MGAM2: variants seen among roughly 807,000 people sequenced by gnomAD.
The protein encoded by MGAM2 is maltase-glucoamylase 2 (putative), also known as probable maltase-glucoamylase 2.
A neutral mutation model predicts 96.1 loss-of-function variants in MGAM2; 98 were observed. The ratio of observed to expected loss-of-function variants is 1.02; its 90% CI spans 0.87 to 1.21. MGAM2 has a LOEUF of 1.21. Ranked by LOEUF, MGAM2 falls within the 50% of genes most tolerant of loss-of-function variation. The probability of loss-of-function intolerance (pLI) is 0.00; values close to 1 mark genes in which losing one functional copy is unlikely to be tolerated. For synonymous variants in MGAM2, 749 were observed against 414.8 expected (o/e 1.81, Z -9.79); for missense variants, 2,055 against 1,182.4 (o/e 1.74, Z -10.82).
intron 33 of MGAM2, among the ~76,000 whole-genome samples, chr7:142,183,948 T>C (rs1796615334): frequency 7.7e-6 from 1 of 129,660 alleles, no homozygotes; most frequent in Non-Finnish European, 1.6e-5. Context: ...TATTCCAGGC[T>C]CCTTTTTTTT....
intron 45 of MGAM2, among the ~76,000 whole-genome samples, chr7:142,207,187 A>G (rs1797427773): frequency 6.6e-6 from 1 of 152,176 alleles, no homozygotes; most frequent in African/African-American, 2.4e-5. Flanking sequence ...TGGGAAGGAG[A>G]CATAAAGTAA....
At chr7:142,114,777 C>T (rs555477821) in intron 1 of MGAM2, among the ~76,000 whole-genome samples, 1 of 152,178 alleles carries the variant, frequency 6.6e-6, no homozygotes, top group East Asian at 1.9e-4. Flanking sequence ...ATGTGAATAA[C>T]CTTTGTGGAA....
Position 142,196,757 on chromosome 7 carries a change from T to C in MGAM2, c.4573T>C (p.Trp1525Arg). Reference sequence around the variant, plus strand: ...TGCTGAATATGAGATGTGTGTTCGCTGGATGCAACTGGGGGCATTTTATCC... The same window carrying C: ...TGCTGAATATGAGATGTGTGTTCGCCGGATGCAACTGGGGGCATTTTATCC... ...GDAEYEMCVR[W>R]MQLGAFYPFS... The change falls in exon 40 of 48, where the codon TGG (tryptophan) becomes CGG (arginine). Residue 1525 changes from tryptophan to arginine, a missense_variant. Coordinates refer to ENST00000477922, the MANE Select transcript of MGAM2 (RefSeq NM_001293626.2). The C allele has an allele frequency of 1.3e-6, 1 of 789,582 alleles. No individual in the cohort carries two copies. Among genetic ancestry groups the C allele is most frequent in the Non-Finnish European group, 2.3e-6 (1 of 426,078 alleles). The allele number at this position is 789,582 out of a possible 1,614,324, so 48.9% of individuals were successfully genotyped here.
At position 142,171,299 on chromosome 7, in the gene MGAM2, CT is replaced by C; in HGVS notation, c.3212del (p.Phe1071SerfsTer32). 1 of 702,778 alleles carries C rather than the reference CT, an allele frequency of 1.4e-6. No individual in the cohort carries two copies. Among genetic ancestry groups the C allele is most frequent in the Non-Finnish European group, 2.6e-6 (1 of 384,770 alleles). 43.5% of individuals were successfully genotyped at this position (702,778 alleles called of 1,614,324 possible). On this transcript the variant is annotated frameshift_variant, in exon 28 of 48. Coordinates refer to ENST00000477922, the MANE Select transcript of MGAM2 (RefSeq NM_001293626.2). LOFTEE classifies it high-confidence loss of function. ...IWDSQLPGFI[F>X]NDMFLSISTR... The stretch of plus-strand genomic sequence containing the variant: ...GGGATTCTCAACTCCCTGGCTTCAT[CT>C]TCAATGACATGTTTCTCTCCATTTC...
chr7:142,215,775 A>C (rs1485518395), intron 46 of MGAM2, among the ~76,000 whole-genome samples: 1 of 151,884 alleles, frequency 6.6e-6, no homozygotes, highest in East Asian at 1.9e-4. Flanking sequence ...AAAAAAAAAA[A>C]AACCTCATGA....
At chr7:142,117,937 T>C (rs1472019850) in intron 2 of MGAM2, among the ~76,000 whole-genome samples, 2 of 151,840 alleles carry the variant, frequency 1.3e-5, no homozygotes, top group African/African-American at 2.4e-5. Context: ...AACTGTTTTT[T>C]TTTCTTCTGT....
chr7:142,191,134 G>GA (rs59853968), intron 37 of MGAM2, among the ~76,000 whole-genome samples: 16 of 150,666 alleles, frequency 1.1e-4, no homozygotes, highest in Non-Finnish European at 2.1e-4. Context: ...TATCTCTACA[G>GA]AAAAAAAAAA....
rs543251143 is a variant in MGAM2 at position 142,160,010 on chromosome 7, C to T, written c.2221-124C>T. ...CCCATATGCTTTCAGCAAGTCACTT[C>T]ACTTTGGGGTTCTCTGTTTGTCTCT... On this transcript the variant is annotated intron_variant, in intron 20 of 47. Transcript: ENST00000477922. 4.5e-5 allele frequency: 26 copies of T among 582,142 alleles called. No individual in the cohort carries two copies. The East Asian group carries it at 5.9e-4, about 13-fold the overall frequency. 36.1% of individuals were successfully genotyped at this position (582,142 alleles called of 1,614,324 possible).
chr7:142,204,514 A>G lies in MGAM2; in HGVS notation c.5138-4059A>G, dbSNP rs191327372. Among the ~76,000 whole-genome samples, 169 of 152,186 alleles carry G rather than the reference A, an allele frequency of 1.1e-3. 3 individuals are homozygous for G. The highest frequency in any genetic ancestry group is 0.011 in the Admixed American group (164 of 15,292). ...AAATTAAATAGATCTAGGTTTGAATACCATCTCAGTAACTTTCTAGTTGTA... is the reference window on the plus strand; with the variant it reads ...AAATTAAATAGATCTAGGTTTGAATGCCATCTCAGTAACTTTCTAGTTGTA... On this transcript the variant is annotated intron_variant, in intron 45 of 47. Transcript: ENST00000477922.
intron 3 of MGAM2, among the ~76,000 whole-genome samples, chr7:142,128,627 T>A (rs1046843305): frequency 9.2e-5 from 14 of 152,184 alleles, no homozygotes; most frequent in African/African-American, 3.4e-4. Context: ...GGGACAAAAG[T>A]ACAGCTCGGG....
rs1796598536 is a variant in MGAM2, at chr7:142,183,379, G to T, written c.3924+6G>T. On this transcript the variant is annotated splice_donor_region_variant and intron_variant, in intron 33 of 47. Coordinates refer to ENST00000477922, the MANE Select transcript of MGAM2 (RefSeq NM_001293626.2). ...ATGACATTGTCTGGGGAAAGGTAAG[G>T]CTTGGGGAAGATGCTTACAGTTAAT... 2.8e-6 allele frequency: 2 copies of T among 702,150 alleles called. No homozygotes were observed. Among genetic ancestry groups the T allele is most frequent in the Non-Finnish European group, 5.2e-6 (2 of 384,706 alleles). The allele number at this position is 702,150 out of a possible 1,614,324, so 43.5% of individuals were successfully genotyped here. A position where few individuals can be genotyped will look rare whatever the true frequency, so the allele number is the denominator to read the frequency against.
Position 142,189,494 on chromosome 7 carries a change from AC to A in MGAM2, c.4338del (p.Thr1447HisfsTer8). 1 of 847,372 alleles carries A rather than the reference AC, an allele frequency of 1.2e-6. No homozygotes were observed. Among genetic ancestry groups the A allele is most frequent in the Non-Finnish European group, 1.9e-6 (1 of 514,150 alleles). The allele number at this position is 847,372 out of a possible 1,614,324, so 52.5% of individuals were successfully genotyped here. On this transcript the variant is annotated frameshift_variant, in exon 37 of 48. Coordinates refer to ENST00000477922, the MANE Select transcript of MGAM2 (RefSeq NM_001293626.2). LOFTEE classifies it high-confidence loss of function. ...HNLYGWSQTR[P>X]TYEAVQEVTG... The stretch of plus-strand genomic sequence containing the variant: ...ACCTGTACGGGTGGTCCCAGACCAG[AC>A]CCACATACGAGTGAGTGTCTTTTTG...
rs1797941377 is a variant in MGAM2, at chr7:142,221,823, A to G, written c.7312A>G (p.Asn2438Asp). Residue 2438 changes from asparagine (N) to aspartate (D), a missense_variant, in exon 48 of 48, where the codon AAT (asparagine) becomes GAT (aspartate). Asn to Asp is a conservative substitution (Grantham distance 23, BLOSUM62 1). Transcript: ENST00000477922. ...TAACACGACACACATTTCTGTTTCAAATCTCACAACAGCCTCAGTCACAAT... is the reference window on the plus strand; with the variant it reads ...TAACACGACACACATTTCTGTTTCAGATCTCACAACAGCCTCAGTCACAAT... ...TGNTTHISVS[N>D]LTTASVTITA... 1 of 400,164 alleles carries G rather than the reference A, an allele frequency of 2.5e-6. No homozygotes were observed. The highest frequency in any genetic ancestry group is 4.3e-5 in the Admixed American group (1 of 23,102). 24.8% of individuals were successfully genotyped at this position (400,164 alleles called of 1,614,324 possible). A position where few individuals can be genotyped will look rare whatever the true frequency, so the allele number is the denominator to read the frequency against.
intron 15 of MGAM2, among the ~76,000 whole-genome samples, chr7:142,150,026 C>T (rs545788859): frequency 6.6e-6 from 1 of 151,938 alleles, no homozygotes; most frequent in Admixed American, 6.6e-5. Context: ...AATGAAACCT[C>T]CGCCTCCCGG....
intron 45 of MGAM2, among the ~76,000 whole-genome samples, chr7:142,201,019 G>C (rs1797207404): frequency 6.9e-6 from 1 of 145,348 alleles, no homozygotes; most frequent in Non-Finnish European, 1.5e-5. Flanking sequence ...TCTATTGAGA[G>C]AATATGTACA....
In MGAM2 at chr7:142,117,696, T is replaced by C. The variant is rs76160102; in HGVS notation, c.106+717T>C. Among the ~76,000 whole-genome samples, 142 of 152,268 alleles carry C rather than the reference T, an allele frequency of 9.3e-4. No homozygotes were observed. The East Asian group carries it at 0.023, about 25-fold the overall frequency. On this transcript the variant is annotated intron_variant, in intron 2 of 47. Transcript: ENST00000477922. The stretch of plus-strand genomic sequence containing the variant: ...CTCTCCACAGTAAACATTAAGACAC[T>C]TTCTAGGAACTATTACAACTTTGAA...
intron 3 of MGAM2, among the ~76,000 whole-genome samples, chr7:142,126,336 A>G (rs934523803): frequency 6.6e-6 from 1 of 151,934 alleles, no homozygotes; most frequent in African/African-American, 2.4e-5. Flanking sequence ...ATTTTTATTT[A>G]CTTGTTTATT....
chr7:142,127,001 A>G (rs1328492591), intron 3 of MGAM2, among the ~76,000 whole-genome samples: 2 of 152,236 alleles, frequency 1.3e-5, no homozygotes, highest in African/African-American at 4.8e-5. Flanking sequence ...AACAAGCTGG[A>G]TATGATTAAT....
rs961562050 is a variant in MGAM2 at position 142,208,492 on chromosome 7, G to A, written c.5138-81G>A. ...GTAACTGTGACCCCATTGAGAGTGT[G>A]GTTTCTGACCACGCTCAAGATTATT... On this transcript the variant is annotated intron_variant, in intron 45 of 47. Transcript: ENST00000477922. The A allele has an allele frequency of 2.6e-5, 18 of 689,944 alleles. 1 individual carries two copies. The African/African-American group carries it at 2.8e-4, about 11-fold the overall frequency. 42.7% of individuals were successfully genotyped at this position (689,944 alleles called of 1,614,324 possible).
Sources: gnomAD v4.1 joint callset for allele counts (sites outside exome capture counted in the v4.1 genomes callset) on GRCh38, gnomAD v4.1.1 for gene constraint, MANE v1.5 for transcripts, NCBI Gene and HGNC (gene_info 2026-07-23, HGNC 2026-07-21) for gene names.